The following RBFOX1 variants were observed in gnomAD, a reference collection of about 807,000 sequenced individuals.
RBFOX1 encodes the protein RNA binding protein fox-1 homolog 1.
A neutral mutation model predicts 57.7 loss-of-function variants in RBFOX1; 8 were observed. The observed-to-expected ratio is 0.14, with a 90% CI of 0.08 to 0.25. RBFOX1 has a LOEUF of 0.25. RBFOX1 is among the 10% of genes least tolerant of loss of function. The pLI is 1.00. For missense variants in RBFOX1, 611 were observed against 548.5 expected (o/e 1.11, Z -1.14); for synonymous variants, 326 against 222.4 (o/e 1.47, Z -4.15).
intron 4 of RBFOX1, among the ~76,000 whole-genome samples, chr16:7,388,612 G>A (rs2148332770): frequency 6.7e-6 from 1 of 149,056 alleles, no homozygotes; most frequent in East Asian, 2.0e-4. Flanking sequence ...TACACATCCA[G>A]GCAGTCCCCA....
chr16:6,953,629 C>T (rs1369625116), intron 3 of RBFOX1, among the ~76,000 whole-genome samples: 4 of 152,132 alleles, frequency 2.6e-5, no homozygotes, highest in African/African-American at 7.2e-5. Context: ...TGAAGTGATC[C>T]ACTCATCTCG....
chr16:7,693,934 G>A (rs1258354122), intron 14 of RBFOX1, among the ~76,000 whole-genome samples: 6 of 152,162 alleles, frequency 3.9e-5, no homozygotes, highest in African/African-American at 1.4e-4. Flanking sequence ...GCAGGACTTA[G>A]AGAGACCAGG....
rs111732062 is a variant in RBFOX1 at position 7,075,681 on chromosome 16, C to G, written c.27+23583C>G. Among the ~76,000 whole-genome samples the G allele has an allele frequency of 8.7e-3, 1,328 of 152,132 alleles. 22 individuals are homozygous for G. Among genetic ancestry groups the G allele is most frequent in the African/African-American group, 0.028 (1,144 of 41,524 alleles). On this transcript the variant is annotated intron_variant, in intron 4 of 15. Transcript: ENST00000550418. Reference sequence around the variant, plus strand: ...CTGCAAGGTCCGCCTCTCAGGTTCACACCATTCTCCTGCCTCAGTCTCCCG... The same window carrying G: ...CTGCAAGGTCCGCCTCTCAGGTTCAGACCATTCTCCTGCCTCAGTCTCCCG...
intron 1 of RBFOX1, among the ~76,000 whole-genome samples, chr16:6,305,164 A>T (rs1371081190): frequency 6.6e-6 from 1 of 152,196 alleles, no homozygotes; most frequent in Non-Finnish European, 1.5e-5. Context: ...AGTCATAAGC[A>T]TGTGATGTCT....
intron 3 of RBFOX1, among the ~76,000 whole-genome samples, chr16:6,749,743 C>T (rs924971848): frequency 5.3e-5 from 8 of 152,256 alleles, no homozygotes; most frequent in African/African-American, 9.6e-5. Context: ...AGAATAACAG[C>T]GACTTGGAAA....
At chr16:5,938,054 T>G (rs983243647) in intron 4 of RBFOX1, among the ~76,000 whole-genome samples, 1 of 152,206 alleles carries the variant, frequency 6.6e-6, no homozygotes, top group Non-Finnish European at 1.5e-5. Context: ...ACATGAGTAT[T>G]TATTTTTTGC....
chr16:7,147,667 G>GTA (rs1277630009), intron 4 of RBFOX1, among the ~76,000 whole-genome samples: 1 of 152,106 alleles, frequency 6.6e-6, no homozygotes, highest in African/African-American at 2.4e-5. Context: ...TTTTATGGCT[G>GTA]TATAGTATTC....
At chr16:6,260,836 G>A (rs1423662399) in intron 1 of RBFOX1, among the ~76,000 whole-genome samples, 1 of 152,026 alleles carries the variant, frequency 6.6e-6, no homozygotes, top group Non-Finnish European at 1.5e-5. Flanking sequence ...AGGTGAGATT[G>A]TATGACTTCC....
At chr16:7,077,607 C>T (rs1312605502) in intron 4 of RBFOX1, among the ~76,000 whole-genome samples, 1 of 152,152 alleles carries the variant, frequency 6.6e-6, no homozygotes, top group African/African-American at 2.4e-5. Flanking sequence ...TGTTCAGTAT[C>T]ATGTTTGTGC....
chr16:7,446,504 G>T (rs1219172429), intron 4 of RBFOX1, among the ~76,000 whole-genome samples: 1 of 152,118 alleles, frequency 6.6e-6, no homozygotes. Flanking sequence ...TAATGAGGTT[G>T]GAAGAAGCAA....
intron 10 of RBFOX1, among the ~76,000 whole-genome samples, chr16:7,617,080 C>T (rs1464749911): frequency 6.6e-6 from 1 of 151,346 alleles, no homozygotes; most frequent in East Asian, 1.9e-4. Context: ...AACATGATAC[C>T]ACTGGGTAGC....
At chr16:5,630,808 T>TA (rs1418635776) in intron 3 of RBFOX1, among the ~76,000 whole-genome samples, 1 of 152,134 alleles carries the variant, frequency 6.6e-6, no homozygotes, top group Admixed American at 6.5e-5. Context: ...ATGAGGGAGA[T>TA]AGAGTGTGTG....
intron 3 of RBFOX1, among the ~76,000 whole-genome samples, chr16:5,662,246 T>C (rs925180902): frequency 6.6e-6 from 1 of 152,180 alleles, no homozygotes; most frequent in Admixed American, 6.5e-5. Flanking sequence ...AAAACAGTAG[T>C]TCTGAACCAT....
intron 1 of RBFOX1, among the ~76,000 whole-genome samples, chr16:5,439,476 G>A (rs920148574): frequency 2.6e-5 from 4 of 152,014 alleles, no homozygotes; most frequent in African/African-American, 9.7e-5. Flanking sequence ...AAATGAGAGA[G>A]GTTTGGACTG....
chr16:5,491,850 C>T (rs1348294957), intron 2 of RBFOX1, among the ~76,000 whole-genome samples: 1 of 152,190 alleles, frequency 6.6e-6, no homozygotes, highest in South Asian at 2.1e-4. Flanking sequence ...CTTTAAAGAA[C>T]AAAACAACAG....
chr16:6,749,220 G>A (rs184890037), intron 3 of RBFOX1, among the ~76,000 whole-genome samples: 27 of 152,252 alleles, frequency 1.8e-4, no homozygotes, highest in Non-Finnish European at 3.1e-4. Flanking sequence ...AGGCAAGATC[G>A]TGTTTTGGCA....
chr16:7,447,881 C>G (rs1036927390), intron 4 of RBFOX1, among the ~76,000 whole-genome samples: 1 of 152,218 alleles, frequency 6.6e-6, no homozygotes, highest in Non-Finnish European at 1.5e-5. Context: ...TTAGCTGTAT[C>G]AGCATCAACC....
At chr16:7,458,707 C>G (rs1264545802) in intron 4 of RBFOX1, among the ~76,000 whole-genome samples, 2 of 151,882 alleles carry the variant, frequency 1.3e-5, no homozygotes, top group South Asian at 4.1e-4. Context: ...AGTTCACTCC[C>G]TCTCCTCCTT....
At chr16:6,901,331 A>T (rs1363505466) in intron 3 of RBFOX1, among the ~76,000 whole-genome samples, 2 of 152,194 alleles carry the variant, frequency 1.3e-5, no homozygotes, top group South Asian at 2.1e-4. Flanking sequence ...AGTCAACAGA[A>T]GTTTCAACCT....
Sources: gnomAD v4.1 joint callset for allele counts (sites outside exome capture counted in the v4.1 genomes callset) on GRCh38, gnomAD v4.1.1 for gene constraint, MANE v1.5 for transcripts, NCBI Gene and HGNC (gene_info 2026-07-23, HGNC 2026-07-21) for gene names.